The following C14orf180 variants were observed in gnomAD, a reference collection of about 807,000 sequenced individuals.
The protein encoded by C14orf180 is nutritionally-regulated adipose and cardiac enriched protein homolog.
A neutral mutation model predicts 13.9 loss-of-function variants in C14orf180; 13 were observed. The observed-to-expected ratio is 0.94, with a 90% CI of 0.61 to 1.49. C14orf180 has a LOEUF of 1.49. Among genes scored for constraint, C14orf180 ranks in the 40% most tolerant of loss-of-function variants. The pLI is 0.00. For missense variants in C14orf180, 238 were observed against 232.0 expected, an observed-to-expected ratio of 1.03 and a Z score of -0.17; for synonymous variants, 113 against 106.3, an observed-to-expected ratio of 1.06 and a Z score of -0.39.
intron 1 of C14orf180, among the ~76,000 whole-genome samples, chr14:104,583,169 C>T (rs1226438180): frequency 6.6e-6 from 1 of 151,574 alleles, no homozygotes; most frequent in Non-Finnish European, 1.5e-5. Flanking sequence ...AGGGAGGCTG[C>T]CTGGGAGCAG....
At chr14:104,588,378 C>G in intron 4 of C14orf180, 69 bp downstream of exon 4, 3 of 1,584,644 alleles carry the variant, frequency 1.9e-6, no homozygotes, top group Non-Finnish European at 2.6e-6. Context: ...TCACTCCCTC[C>G]CCGAGGGAGG....
chr14:104,588,257 T>A lies in C14orf180; in HGVS notation c.242-17T>A. 6.2e-7 allele frequency: 1 copy of A among 1,613,854 alleles called. No individual in the cohort carries two copies. The stretch of plus-strand genomic sequence containing the variant: ...TGAGGCAGGTGCCCCCAGCTGACTC[T>A]CCATTCTCTTTCGCAGACATTGCTG... On this transcript the variant is annotated splice_polypyrimidine_tract_variant and intron_variant, in intron 3 of 4. Coordinates refer to ENST00000557649, the MANE Select transcript of C14orf180 (RefSeq NM_001008404.3).
intron 1 of C14orf180, among the ~76,000 whole-genome samples, chr14:104,580,482 A>G (rs890443379): frequency 1.3e-5 from 2 of 152,020 alleles, no homozygotes; most frequent in African/African-American, 4.8e-5. Context: ...AAGGGGCTGC[A>G]CTCTCAGGGG....
intron 1 of C14orf180, among the ~76,000 whole-genome samples, chr14:104,580,334 G>A (rs1596284524): frequency 6.6e-6 from 1 of 152,340 alleles, no homozygotes; most frequent in East Asian, 1.9e-4. Context: ...CCGGCCCTGT[G>A]TCCACACTGA....
At position 104,582,793 on chromosome 14, in the gene C14orf180, G is replaced by A. The variant is rs1052227708; in HGVS notation, c.-17+2790G>A. ...CGCCCTCCCCAGCAGCGGGCCTAGC[G>A]GGACACTTACAGGTCCAGGCTCTGA... On this transcript the variant is annotated intron_variant, in intron 1 of 4. Coordinates refer to ENST00000557649, the MANE Select transcript of C14orf180 (RefSeq NM_001008404.3). Among the ~76,000 whole-genome samples, 12 of 152,194 alleles carry A rather than the reference G, an allele frequency of 7.9e-5. 1 individual carries two copies. The highest frequency in any genetic ancestry group is 5.2e-4 in the Admixed American group (8 of 15,288).
intron 1 of C14orf180, among the ~76,000 whole-genome samples, chr14:104,583,214 G>T (rs1023704263): frequency 6.6e-6 from 1 of 152,202 alleles, no homozygotes; most frequent in Admixed American, 6.5e-5. Context: ...CTCTGGAGAG[G>T]GGACCTCAGG....
chr14:104,582,758 C>A (rs952558115), intron 1 of C14orf180, among the ~76,000 whole-genome samples: 2 of 152,208 alleles, frequency 1.3e-5, no homozygotes, highest in Non-Finnish European at 2.9e-5. Context: ...AGAGTCCCCT[C>A]GGGTGGACGC....
chr14:104,580,674 C>T (rs994939297), intron 1 of C14orf180, among the ~76,000 whole-genome samples: 5 of 152,196 alleles, frequency 3.3e-5, no homozygotes, highest in African/African-American at 1.2e-4. Context: ...TTTTCTGAGC[C>T]GTCAGTCAGA....
chr14:104,581,871 G>A (rs1209152477), intron 1 of C14orf180, among the ~76,000 whole-genome samples: 1 of 152,196 alleles, frequency 6.6e-6, no homozygotes, highest in Non-Finnish European at 1.5e-5. Flanking sequence ...TCTGCCCCTG[G>A]AAGGCTGTGA....
At chr14:104,587,647 AC>A in intron 2 of C14orf180, 101 bp from the exon 3 acceptor site, 1 of 1,208,240 alleles carries the variant, frequency 8.3e-7, no homozygotes. Flanking sequence ...AGGACAGGGT[AC>A]AGGTTCCAGG....
At chr14:104,588,437 T>C (rs1383482280) in intron 4 of C14orf180, 128 bp downstream of exon 4, 15 of 1,499,842 alleles carry the variant, frequency 1.0e-5, no homozygotes, top group Non-Finnish European at 1.4e-5. Context: ...GGAGCTCTTG[T>C]TGCAAGGAGA....
chr14:104,588,322 C>T lies in C14orf180; in HGVS notation c.277+13C>T. 6.2e-7 allele frequency: 1 copy of T among 1,612,776 alleles called. No homozygotes were observed. On this transcript the variant is annotated intron_variant, in intron 4 of 4. Coordinates refer to ENST00000557649, the MANE Select transcript of C14orf180 (RefSeq NM_001008404.3). ...GCCACTGTCAGGGGTGAGTTCTGAGCCCACATCCCTGTGCCCCACTGCCCC... is the reference window on the plus strand; with the variant it reads ...GCCACTGTCAGGGGTGAGTTCTGAGTCCACATCCCTGTGCCCCACTGCCCC...
intron 2 of C14orf180, among the ~76,000 whole-genome samples, chr14:104,587,464 G>A (rs1886667289): frequency 6.6e-6 from 1 of 152,186 alleles, no homozygotes; most frequent in Non-Finnish European, 1.5e-5. Context: ...CTGCATCCGA[G>A]ACAGCGGGCA....
rs1886760048 is a variant in C14orf180, at chr14:104,589,196, G to A, written c.*413G>A. 1 of 338,820 alleles carries A rather than the reference G, an allele frequency of 3.0e-6. No homozygotes were observed. The highest frequency in any genetic ancestry group is 5.3e-6 in the Non-Finnish European group (1 of 188,602). The allele number at this position is 338,820 out of a possible 1,614,324, so 21.0% of individuals were successfully genotyped here. On this transcript the variant is annotated 3_prime_UTR_variant, in exon 5 of 5. Coordinates refer to ENST00000557649, the MANE Select transcript of C14orf180 (RefSeq NM_001008404.3). The surrounding 1 kb of genome is among the most constrained non-coding windows in gnomAD (Gnocchi z 4.9). ...ACACACTGCCCGTGTTCAAGGGGCT[G>A]CTCGGAGGAGGCAAACCCAGCCTTT...
chr14:104,587,934 G>A, intron 3 of C14orf180, 56 bp downstream of exon 3: 1 of 1,551,280 alleles, frequency 6.4e-7, no homozygotes. Flanking sequence ...GCAGAGGGAG[G>A]CGGGGACACC....
chr14:104,586,236 G>A (rs1886611866), intron 1 of C14orf180, among the ~76,000 whole-genome samples, 179 bp from the exon 2 acceptor site: 1 of 152,302 alleles, frequency 6.6e-6, no homozygotes, highest in African/African-American at 2.4e-5. Flanking sequence ...GCAGGGAACA[G>A]GATTTACCTG....
chr14:104,590,196 TGG>T lies in C14orf180; in HGVS notation c.*1417_*1418del, dbSNP rs1285238611. ...AGAAGTGGCCCAGAAGGGACCATGG[TGG>T]GGGCTCCCCCGGGGACCCTCCAGCA... is the stretch of plus-strand genomic sequence containing the variant. On this transcript the variant is annotated 3_prime_UTR_variant, in exon 5 of 5. Transcript: ENST00000557649. 6.6e-6 allele frequency: 1 copy of T among 152,154 alleles called. No individual in the cohort carries two copies. The highest frequency in any genetic ancestry group is 2.4e-5 in the African/African-American group (1 of 41,424). 9.4% of individuals were successfully genotyped at this position (152,154 alleles called of 1,614,324 possible). A position where few individuals can be genotyped will look rare whatever the true frequency, so the allele number is the denominator to read the frequency against.
Position 104,588,934 on chromosome 14 carries a change from C to G in C14orf180, c.*151C>G. On this transcript the variant is annotated 3_prime_UTR_variant, in exon 5 of 5. Coordinates refer to ENST00000557649, the MANE Select transcript of C14orf180 (RefSeq NM_001008404.3). ...AGGGCTAACTAGGAAAAGGGGGACC[C>G]CGTGGCGTGAGATCGGACATGGGGG... 1.4e-6 allele frequency: 2 copies of G among 1,427,630 alleles called. No homozygotes were observed. The highest frequency in any genetic ancestry group is 2.0e-4 in the Middle Eastern group (1 of 5,108). 88.4% of individuals were successfully genotyped at this position (1,427,630 alleles called of 1,614,324 possible). A position where few individuals can be genotyped will look rare whatever the true frequency, so the allele number is the denominator to read the frequency against.
At position 104,588,831 on chromosome 14, in the gene C14orf180, C is replaced by T; in HGVS notation, c.*48C>T. The T allele has an allele frequency of 6.6e-7, 1 of 1,524,252 alleles. No individual in the cohort carries two copies. The highest frequency in any genetic ancestry group is 8.8e-7 in the Non-Finnish European group (1 of 1,140,000). The allele number at this position is 1,524,252 out of a possible 1,614,324, so 94.4% of individuals were successfully genotyped here. A position where few individuals can be genotyped will look rare whatever the true frequency, so the allele number is the denominator to read the frequency against. ...CAGGGCTTCCAGGAGAGCTCAAGCA[C>T]TCCGGGGGCTCCGAGACAGCCTGAG... On this transcript the variant is annotated 3_prime_UTR_variant, in exon 5 of 5. Coordinates refer to ENST00000557649, the MANE Select transcript of C14orf180 (RefSeq NM_001008404.3).
Sources: gnomAD v4.1 joint callset for allele counts (sites outside exome capture counted in the v4.1 genomes callset) on GRCh38, gnomAD v4.1.1 for gene constraint, Gnocchi (gnomAD v3.1) non-coding constraint, MANE v1.5 for transcripts, NCBI Gene and HGNC (gene_info 2026-07-23, HGNC 2026-07-21) for gene names.